The following GALNT1 variants were observed in gnomAD, a reference collection of about 807,000 sequenced individuals.
GALNT1 encodes the protein GalNAc transferase 1.
In GALNT1, 17 loss-of-function variants were observed where a neutral mutation model predicts 65.7. The ratio of observed to expected loss-of-function variants is 0.26; its 90% CI spans 0.18 to 0.39. GALNT1 has a LOEUF of 0.39. Ranked by LOEUF, GALNT1 falls within the 10% of genes least tolerant of loss-of-function variation. GALNT1 has a pLI of 1.00. For synonymous variants in GALNT1, 210 were observed against 219.7 expected (o/e 0.96, Z 0.39); for missense variants, 460 against 672.8 (o/e 0.68, Z 3.50).
chr18:35,595,124 A>T (rs1272909973), intron 1 of GALNT1, among the ~76,000 whole-genome samples: 1 of 152,178 alleles, frequency 6.6e-6, no homozygotes, highest in Non-Finnish European at 1.5e-5. Context: ...CACAATTCAG[A>T]TTCTCCTGTT....
chr18:35,672,563 T>C (rs1348164741), intron 3 of GALNT1, among the ~76,000 whole-genome samples: 1 of 152,166 alleles, frequency 6.6e-6, no homozygotes, highest in Non-Finnish European at 1.5e-5. Flanking sequence ...TGTAGCTGGC[T>C]GTGCCCAGAT....
rs182132361 is a variant in GALNT1, at chr18:35,615,392, G to A, written c.-104+33530G>A. Among the ~76,000 whole-genome samples the A allele has an allele frequency of 1.3e-4, 18 of 142,466 alleles. No individual in the cohort carries two copies. The Admixed American group carries it at 1.3e-3, about 10-fold the overall frequency. 93.5% of individuals were successfully genotyped at this position (142,466 alleles called of 152,430 possible). ...ATTCTTAGCCACATTTTAAAAAATG[G>A]TTTTTACTAACACTGTATTAAAAAA... On this transcript the variant is annotated intron_variant, in intron 1 of 11. Transcript: ENST00000269195.
chr18:35,610,844 C>T (rs1382788868), intron 1 of GALNT1, among the ~76,000 whole-genome samples: 1 of 151,910 alleles, frequency 6.6e-6, no homozygotes, highest in East Asian at 1.9e-4. Context: ...TGTGTAAATC[C>T]CATTAGTGTC....
chr18:35,612,636 C>T lies in GALNT1; in HGVS notation c.-104+30774C>T, dbSNP rs9956926. Reference sequence around the variant, plus strand: ...ATCCCAGCACTTTGGGAGGCCAAGGCATGGATCACCAGATGTCAGGCATTC... The same window carrying T: ...ATCCCAGCACTTTGGGAGGCCAAGGTATGGATCACCAGATGTCAGGCATTC... On this transcript the variant is annotated intron_variant, in intron 1 of 11. Transcript: ENST00000269195. Among the ~76,000 whole-genome samples the T allele has an allele frequency of 9.3e-3, 1,419 of 152,278 alleles. 22 individuals carry two copies. The highest frequency in any genetic ancestry group is 0.033 in the African/African-American group (1,352 of 41,550).
intron 11 of GALNT1, among the ~76,000 whole-genome samples, chr18:35,705,880 C>T (rs1008229915): frequency 1.3e-5 from 2 of 152,162 alleles, no homozygotes; most frequent in Admixed American, 1.3e-4. Context: ...GTTGCTGCAG[C>T]TTTATCGCAT....
chr18:35,593,759 G>C (rs1334919858), intron 1 of GALNT1, among the ~76,000 whole-genome samples: 3 of 151,916 alleles, frequency 2.0e-5, no homozygotes, highest in Non-Finnish European at 2.9e-5. Context: ...CCCAGGCTGG[G>C]GTACAGTGGC....
chr18:35,586,104 A>G (rs1598777620), intron 1 of GALNT1, among the ~76,000 whole-genome samples: 1 of 152,222 alleles, frequency 6.6e-6, no homozygotes, highest in Non-Finnish European at 1.5e-5. Flanking sequence ...GATTACAGGC[A>G]TGAGGCACCA....
intron 5 of GALNT1, among the ~76,000 whole-genome samples, chr18:35,685,643 G>C (rs755371309): frequency 6.6e-6 from 1 of 152,134 alleles, no homozygotes; most frequent in African/African-American, 2.4e-5. Context: ...AGTAAATAAA[G>C]AACATTTATT....
intron 3 of GALNT1, among the ~76,000 whole-genome samples, chr18:35,673,840 A>G (rs1263687014): frequency 1.3e-5 from 2 of 152,220 alleles, no homozygotes; most frequent in Admixed American, 6.5e-5. Flanking sequence ...GTGTTATTTA[A>G]TGACTGAGGT....
chr18:35,627,274 G>A (rs532652575), intron 1 of GALNT1, among the ~76,000 whole-genome samples: 25 of 152,274 alleles, frequency 1.6e-4, no homozygotes, highest in African/African-American at 5.5e-4. Flanking sequence ...TTTGTGCCAC[G>A]TACTGTGCTC....
chr18:35,658,844 G>A (rs2047435520), intron 2 of GALNT1, among the ~76,000 whole-genome samples: 1 of 151,870 alleles, frequency 6.6e-6, no homozygotes, highest in Non-Finnish European at 1.5e-5. Flanking sequence ...CGAGTTGCTG[G>A]GATTACAGGC....
At chr18:35,586,184 A>G (rs888051048) in intron 1 of GALNT1, among the ~76,000 whole-genome samples, 1 of 152,146 alleles carries the variant, frequency 6.6e-6, no homozygotes, top group Admixed American at 6.5e-5. Context: ...TTTAACGTGC[A>G]TTTCCTTAAA....
intron 1 of GALNT1, among the ~76,000 whole-genome samples, chr18:35,587,226 C>A (rs2046388013): frequency 1.3e-5 from 2 of 152,166 alleles, no homozygotes; most frequent in Admixed American, 1.3e-4. Context: ...GCTGAACCTA[C>A]TTATTAGTTC....
intron 1 of GALNT1, among the ~76,000 whole-genome samples, chr18:35,636,531 C>T (rs1194813216): frequency 6.6e-6 from 1 of 152,172 alleles, no homozygotes; most frequent in South Asian, 2.1e-4. Context: ...TGTTTCTTTG[C>T]CTGTCAGGTT....
chr18:35,647,994 T>A (rs191335215), intron 1 of GALNT1, among the ~76,000 whole-genome samples: 42 of 149,684 alleles, frequency 2.8e-4, no homozygotes, highest in Non-Finnish European at 5.3e-4. Context: ...CCAGCCTGGG[T>A]ACAAAGTGAG....
chr18:35,695,718 G>A (rs563498398), intron 9 of GALNT1, among the ~76,000 whole-genome samples: 12 of 152,188 alleles, frequency 7.9e-5, no homozygotes, highest in African/African-American at 2.9e-4. Flanking sequence ...AACAAGTGAG[G>A]GCTACATTGA....
intron 11 of GALNT1, among the ~76,000 whole-genome samples, chr18:35,708,569 A>AAAC (rs2048304005): frequency 6.6e-6 from 1 of 152,260 alleles, no homozygotes; most frequent in Non-Finnish European, 1.5e-5. Flanking sequence ...ACTATGTGTT[A>AAAC]AACATTTTAC....
Position 35,709,901 on chromosome 18 carries a change from C to A in GALNT1, c.*131C>A. On this transcript the variant is annotated 3_prime_UTR_variant, in exon 12 of 12. Coordinates refer to ENST00000269195, the MANE Select transcript of GALNT1 (RefSeq NM_020474.4). ...TCTGCAGGATGTAAGGTTTATCAGCCATTAAAACTTAGACTTCTCTAGCTT... is the reference window on the plus strand; with the variant it reads ...TCTGCAGGATGTAAGGTTTATCAGCAATTAAAACTTAGACTTCTCTAGCTT... 9.3e-7 allele frequency: 1 copy of A among 1,078,556 alleles called. No individual in the cohort carries two copies. Among genetic ancestry groups the A allele is most frequent in the Non-Finnish European group, 1.3e-6 (1 of 769,008 alleles). The allele number at this position is 1,078,556 out of a possible 1,614,324, so 66.8% of individuals were successfully genotyped here.
chr18:35,637,828 A>G (rs894066535), intron 1 of GALNT1, among the ~76,000 whole-genome samples: 1 of 152,204 alleles, frequency 6.6e-6, no homozygotes. Flanking sequence ...TTAGTAGGTG[A>G]TAGTGCAGCT....
Sources: allele counts gnomAD v4.1 joint callset (sites outside exome capture counted in the v4.1 genomes callset), GRCh38; gene constraint gnomAD v4.1.1; transcripts MANE v1.5; gene names NCBI Gene and HGNC (gene_info 2026-07-23, HGNC 2026-07-21).